The following EIF4E3 variants were observed in gnomAD, a reference collection of about 807,000 sequenced individuals.
EIF4E3 encodes eukaryotic translation initiation factor 4E type 3.
EIF4E3 carries 26 observed loss-of-function variants against 31.7 expected under a neutral mutation model. That is an observed-to-expected ratio of 0.82 (90% CI 0.60 to 1.14). EIF4E3 has a LOEUF of 1.14. Among genes scored for constraint, EIF4E3 ranks in the 50% most tolerant of loss-of-function variants. The probability of loss-of-function intolerance (pLI) is 0.00; values close to 1 mark genes in which losing one functional copy is unlikely to be tolerated. For synonymous variants in EIF4E3, 128 were observed against 107.7 expected (o/e 1.19, Z -1.17); for missense variants, 304 against 270.9 (o/e 1.12, Z -0.86).
intron 1 of EIF4E3, among the ~76,000 whole-genome samples, chr3:71,714,801 T>G (rs1020480274): frequency 6.6e-6 from 1 of 152,194 alleles, no homozygotes; most frequent in Non-Finnish European, 1.5e-5. Context: ...AAAGTAGCAG[T>G]GCAAGCTGTT....
intron 6 of EIF4E3, among the ~76,000 whole-genome samples, chr3:71,686,540 T>C (rs1470530195): frequency 9.3e-6 from 1 of 107,174 alleles, no homozygotes; most frequent in African/African-American, 3.5e-5. Flanking sequence ...ATATTTCACA[T>C]TGAGTGTGTG....
At chr3:71,671,857 A>G (rs2048849041), downstream of EIF4E3, among the ~76,000 whole-genome samples, 1 of 151,994 alleles carries the variant, frequency 6.6e-6, no homozygotes, top group African/African-American at 2.4e-5. Context: ...CCCCCAGAAC[A>G]GTCAGGGGAC....
chr3:71,740,478 A>C (rs2049808465), intron 1 of EIF4E3, among the ~76,000 whole-genome samples: 1 of 152,256 alleles, frequency 6.6e-6, no homozygotes, highest in Non-Finnish European at 1.5e-5. Context: ...TCCTGCCTGC[A>C]ATCCCAGCAC....
downstream of EIF4E3, among the ~76,000 whole-genome samples, chr3:71,672,103 T>C (rs1300877315): frequency 6.6e-6 from 1 of 152,196 alleles, no homozygotes; most frequent in Non-Finnish European, 1.5e-5. Flanking sequence ...TACTTTACCT[T>C]GTCCTAGTCC....
chr3:71,689,070 G>A (rs574925555), intron 6 of EIF4E3, among the ~76,000 whole-genome samples: 2 of 152,236 alleles, frequency 1.3e-5, no homozygotes, highest in African/African-American at 4.8e-5. Context: ...ATTCTAAGAC[G>A]CACTCCTCAC....
intron 4 of EIF4E3, 67 bp downstream of exon 4, chr3:71,696,393 T>C (rs1318412148): frequency 1.3e-6 from 2 of 1,576,296 alleles, no homozygotes; most frequent in African/African-American, 1.3e-5. Flanking sequence ...AAGCACAAAA[T>C]GCTGATGACA....
Position 71,675,536 on chromosome 3 carries a change from A to G in EIF4E3, c.*9146T>C, listed in dbSNP as rs1349511918. 1 of 152,250 alleles carries G rather than the reference A, an allele frequency of 6.6e-6. No homozygotes were observed. Among genetic ancestry groups the G allele is most frequent in the African/African-American group, 2.4e-5 (1 of 41,464 alleles). 9.4% of individuals were successfully genotyped at this position (152,250 alleles called of 1,614,324 possible). On this transcript the variant is annotated 3_prime_UTR_variant, in exon 7 of 7. Coordinates refer to ENST00000425534, the MANE Select transcript of EIF4E3 (RefSeq NM_001134651.2). The stretch of plus-strand genomic sequence containing the variant: ...TTACATGGAGTTGTCGCAAAGAAGC[A>G]GGTTAGAAAACATGCATTTTTTCCA...
rs115183400 is a variant in EIF4E3 at position 71,712,476 on chromosome 3, T to G, written c.177-1992A>C. Among the ~76,000 whole-genome samples the G allele has an allele frequency of 5.9e-3, 901 of 152,220 alleles. 6 individuals carry two copies. The highest frequency in any genetic ancestry group is 0.021 in the African/African-American group (853 of 41,530). ...CTTAAACTTTTTCTGAATAGACTGT[T>G]AGCATGAAAAATCTATCACTTTAAC... On this transcript the variant is annotated intron_variant, in intron 1 of 6. Coordinates refer to ENST00000425534, the MANE Select transcript of EIF4E3 (RefSeq NM_001134651.2).
rs1435428622 is a variant in EIF4E3, at chr3:71,742,676, A to G, written c.-291+10787T>C. Among the ~76,000 whole-genome samples, 3 of 152,262 alleles carry G rather than the reference A, an allele frequency of 2.0e-5. No homozygotes were observed. In the East Asian group the frequency reaches 5.8e-4, roughly 29 times the overall value. ...AAAGACAAAGCCAGTACAAGAAAAA[A>G]AGAAAAACAGCTGGAGATCAATAAC... On this transcript the variant is annotated intron_variant, in intron 1 of 7. Coordinates refer to the EIF4E3 transcript ENST00000295612.
At chr3:71,715,975 C>G (rs912468050) in intron 1 of EIF4E3, among the ~76,000 whole-genome samples, 1 of 152,138 alleles carries the variant, frequency 6.6e-6, no homozygotes, top group African/African-American at 2.4e-5. Context: ...TAGGCTGACT[C>G]CCAGTAATAA....
chr3:71,671,210 C>G (rs560136667), downstream of EIF4E3, among the ~76,000 whole-genome samples: 1 of 152,274 alleles, frequency 6.6e-6, no homozygotes, highest in East Asian at 1.9e-4. Flanking sequence ...AGTGCCCTCT[C>G]TGTTGCAGGA....
chr3:71,672,627 A>G (rs1559580991), downstream of EIF4E3, among the ~76,000 whole-genome samples: 1 of 152,314 alleles, frequency 6.6e-6, no homozygotes, highest in East Asian at 1.9e-4. Context: ...TTAATTTGTC[A>G]TCAAGTAAAA....
In EIF4E3 at chr3:71,682,244, G is replaced by T. The variant is rs1239837502; in HGVS notation, c.*2438C>A. On this transcript the variant is annotated 3_prime_UTR_variant, in exon 7 of 7. Coordinates refer to ENST00000425534, the MANE Select transcript of EIF4E3 (RefSeq NM_001134651.2). The stretch of plus-strand genomic sequence containing the variant: ...CCTAAGGAATTACAAAGACAAAAAA[G>T]CAAGCTCTTTGGTTTCTGCATGGTT... 4 of 152,190 alleles carry T rather than the reference G, an allele frequency of 2.6e-5. No individual in the cohort carries two copies. Among genetic ancestry groups the T allele is most frequent in the Non-Finnish European group, 5.9e-5 (4 of 68,034 alleles). 9.4% of individuals were successfully genotyped at this position (152,190 alleles called of 1,614,324 possible).
chr3:71,714,358 A>G (rs2049433958), intron 1 of EIF4E3, among the ~76,000 whole-genome samples: 1 of 152,158 alleles, frequency 6.6e-6, no homozygotes, highest in African/African-American at 2.4e-5. Context: ...GGACAAAAAG[A>G]AAGGAGATAT....
intron 1 of EIF4E3, among the ~76,000 whole-genome samples, chr3:71,718,123 A>T (rs1025815822): frequency 2.6e-5 from 4 of 152,264 alleles, no homozygotes; most frequent in East Asian, 1.9e-4. Context: ...TCTAAATGCC[A>T]GTCTTCCTGT....
intron 6 of EIF4E3, among the ~76,000 whole-genome samples, chr3:71,685,383 G>C (rs865966487): frequency 6.6e-6 from 1 of 152,038 alleles, no homozygotes; most frequent in African/African-American, 2.4e-5. Flanking sequence ...TTTTTGAGAC[G>C]TAGTTTTGCT....
upstream of EIF4E3, among the ~76,000 whole-genome samples, chr3:71,726,189 C>G (rs924529102): frequency 6.6e-6 from 1 of 152,202 alleles, no homozygotes; most frequent in African/African-American, 2.4e-5. Flanking sequence ...AGGCCTCAAG[C>G]CTGGCTTAAC....
chr3:71,689,069 C>T lies in EIF4E3; in HGVS notation c.628+941G>A, dbSNP rs553025183. Among the ~76,000 whole-genome samples, 20 of 152,264 alleles carry T rather than the reference C, an allele frequency of 1.3e-4. No homozygotes were observed. In the South Asian group the frequency reaches 2.5e-3, roughly 19 times the overall value. ...GAAATGTATTTCAGCAATTCTAAGA[C>T]GCACTCCTCACAACTACCACACATA... On this transcript the variant is annotated intron_variant, in intron 6 of 6. Coordinates refer to ENST00000425534, the MANE Select transcript of EIF4E3 (RefSeq NM_001134651.2).
At chr3:71,750,207 T>C (rs535475773) in intron 1 of EIF4E3, among the ~76,000 whole-genome samples, 1 of 152,326 alleles carries the variant, frequency 6.6e-6, no homozygotes, top group South Asian at 2.1e-4. Flanking sequence ...AACTTCCATT[T>C]CCTTATACCT....
Sources: allele counts gnomAD v4.1 joint callset (sites outside exome capture counted in the v4.1 genomes callset), GRCh38; gene constraint gnomAD v4.1.1; transcripts MANE v1.5; gene names NCBI Gene and HGNC (gene_info 2026-07-23, HGNC 2026-07-21).